PDE1C: variants seen among roughly 807,000 people sequenced by gnomAD.
The protein encoded by PDE1C is dual specificity calcium/calmodulin-dependent 3',5'-cyclic nucleotide phosphodiesterase 1C.
Under a neutral mutation model 93.1 loss-of-function variants are expected in PDE1C, and 62 were observed. That is an observed-to-expected ratio of 0.67 (90% CI 0.54 to 0.82). The LOEUF is 0.82. PDE1C is among the 40% of genes least tolerant of loss of function. The pLI is 0.00. For synonymous variants in PDE1C, 325 were observed against 310.1 expected (o/e 1.05, Z -0.50); for missense variants, 742 against 884.6 (o/e 0.84, Z 2.04).
chr7:32,183,268 A>C (rs1043937923), intron 2 of PDE1C, among the ~76,000 whole-genome samples: 1 of 152,102 alleles, frequency 6.6e-6, no homozygotes, highest in African/African-American at 2.4e-5. Flanking sequence ...TAAAGCTACC[A>C]ATGACTTTCT....
At chr7:31,674,243 C>G in the PDE1C span, among the ~76,000 whole-genome samples, 7 of 152,184 alleles carry the variant, frequency 4.6e-5, no homozygotes, top group East Asian at 1.4e-3. Context: ...CATCTACAAA[C>G]TGCTTTGAAA....
At chr7:32,194,716 C>A (rs947454393) in intron 2 of PDE1C, among the ~76,000 whole-genome samples, 1 of 152,114 alleles carries the variant, frequency 6.6e-6, no homozygotes, top group Non-Finnish European at 1.5e-5. Flanking sequence ...GTTTTTTAAC[C>A]CACTCTGCCA....
intron 1 of PDE1C, among the ~76,000 whole-genome samples, chr7:32,427,107 G>T (rs10275978): frequency 0.18 from 27,469 of 152,122 alleles, 2,622 homozygotes; most frequent in East Asian, 0.3. Context: ...TAAAGTGAGT[G>T]AAGTTTCACT....
chr7:32,004,046 A>G (rs188193999), intron 2 of PDE1C, among the ~76,000 whole-genome samples: 28 of 152,216 alleles, frequency 1.8e-4, no homozygotes, highest in Admixed American at 1.2e-3. Context: ...GTTCATGTGG[A>G]GCTCTGTGGA....
At position 31,880,848 on chromosome 7, in the gene PDE1C, C is replaced by G. The variant is rs1797154557; in HGVS notation, c.141G>C (p.Leu47Phe). The change falls in exon 3 of 18, where the codon TTG becomes TTC. Residue 47 changes from leucine to phenylalanine, a missense_variant. Leu to Phe is a conservative substitution (Grantham distance 22, BLOSUM62 0). Around this residue, in one of 4 missense-constraint regions of PDE1C, gnomAD observed 74 missense variants for 88.2 expected, o/e 0.84. Coordinates refer to ENST00000396191, the MANE Select transcript of PDE1C (RefSeq NM_001191057.4). ...CTTCCCCTCTCTCTAATTGTTTGACCAAAGACCGTAATCTAGAAAAATAAA... is the reference window on the plus strand; with the variant it reads ...CTTCCCCTCTCTCTAATTGTTTGACGAAAGACCGTAATCTAGAAAAATAAA... ...YKKTSQRLRS[L>F]VKQLERGEAS... 6.3e-7 allele frequency: 1 copy of G among 1,597,110 alleles called. No individual in the cohort carries two copies. The highest frequency in any genetic ancestry group is 1.1e-5 in the South Asian group (1 of 90,518).
rs1785295386 is a variant in PDE1C, at chr7:32,417,333, C to T, written c.310+10489G>A. Among the ~76,000 whole-genome samples the T allele has an allele frequency of 2.0e-5, 3 of 151,290 alleles. 1 individual carries two copies. The highest frequency in any genetic ancestry group is 2.0e-4 in the Admixed American group (3 of 15,208). ...GCTTAGCCTTAGTGGTAAGGAAGCC[C>T]TACTAAAAACATCCCACTACTGCTA... is the stretch of plus-strand genomic sequence containing the variant. On this transcript the variant is annotated intron_variant, in intron 1 of 1. Coordinates refer to the PDE1C transcript ENST00000672256.
intron 3 of PDE1C, among the ~76,000 whole-genome samples, chr7:32,142,126 A>C (rs1334379954): frequency 6.6e-6 from 1 of 152,014 alleles, no homozygotes; most frequent in African/African-American, 2.4e-5. Context: ...AATAAAGAGG[A>C]AAAGGAGAGG....
At chr7:32,353,975 A>C (rs1783981597) in intron 1 of PDE1C, among the ~76,000 whole-genome samples, 1 of 152,196 alleles carries the variant, frequency 6.6e-6, no homozygotes, top group South Asian at 2.1e-4. Context: ...AATCACTGAG[A>C]GAAGGCCCCA....
chr7:32,380,264 G>C (rs1375188313), intron 1 of PDE1C, among the ~76,000 whole-genome samples: 2 of 150,852 alleles, frequency 1.3e-5, no homozygotes, highest in African/African-American at 4.9e-5. Context: ...TTGAGATGGA[G>C]CCTCGCTCTT....
At position 32,277,958 on chromosome 7, in the gene PDE1C, G is replaced by T. The variant is rs568367192; in HGVS notation, c.85+20693C>A. Among the ~76,000 whole-genome samples the T allele has an allele frequency of 2.6e-5, 4 of 152,216 alleles. No individual in the cohort carries two copies. In the South Asian group the frequency reaches 8.3e-4, roughly 32 times the overall value. Reference sequence around the variant, plus strand: ...CAGGCAGTGGGAGGAGATAGAAGGTGCCACTTCATTAGAGCAGGACACACC... The same window carrying T: ...CAGGCAGTGGGAGGAGATAGAAGGTTCCACTTCATTAGAGCAGGACACACC... On this transcript the variant is annotated intron_variant, in intron 1 of 18. Transcript: ENST00000396193.
intron 2 of PDE1C, among the ~76,000 whole-genome samples, chr7:32,194,052 C>T (rs1804431826): frequency 6.6e-6 from 1 of 151,676 alleles, no homozygotes; most frequent in Non-Finnish European, 1.5e-5. Flanking sequence ...GTAGCTGGGA[C>T]TACAGGCGCC....
At chr7:32,199,682 T>TA (rs1446429924) in intron 2 of PDE1C, among the ~76,000 whole-genome samples, 1 of 152,218 alleles carries the variant, frequency 6.6e-6, no homozygotes, top group Non-Finnish European at 1.5e-5. Context: ...GTTCCTTTCT[T>TA]AGAGTTTCAA....
At chr7:31,636,936 C>G in the PDE1C span, among the ~76,000 whole-genome samples, 2 of 132,474 alleles carry the variant, frequency 1.5e-5, no homozygotes, top group Admixed American at 9.4e-5. Context: ...CTTCCTGTAT[C>G]CATGTGTTCT....
chr7:32,162,769 C>T (rs1441294471), intron 3 of PDE1C, among the ~76,000 whole-genome samples: 1 of 152,054 alleles, frequency 6.6e-6, no homozygotes, highest in Non-Finnish European at 1.5e-5. Context: ...AGCTAGGAGG[C>T]CATGCGTCAA....
At chr7:32,328,721 A>G (rs1783452224) in intron 1 of PDE1C, among the ~76,000 whole-genome samples, 2 of 152,040 alleles carry the variant, frequency 1.3e-5, no homozygotes, top group South Asian at 4.1e-4. Context: ...CTCAGGTGAG[A>G]ACTCCTAACT....
chr7:31,952,399 G>T (rs1286952925), intron 2 of PDE1C, among the ~76,000 whole-genome samples: 1 of 152,038 alleles, frequency 6.6e-6, no homozygotes, highest in Non-Finnish European at 1.5e-5. Context: ...ACAGGCATAA[G>T]CTACCATGCC....
At chr7:31,825,570 G>A (rs531395150) in intron 12 of PDE1C, among the ~76,000 whole-genome samples, 6 of 152,234 alleles carry the variant, frequency 3.9e-5, no homozygotes, top group Non-Finnish European at 8.8e-5. Context: ...TGTTTGAGCC[G>A]CATTGTCATA....
rs143901880 is a variant in PDE1C at position 32,407,697 on chromosome 7, T to A, written c.310+20125A>T. Among the ~76,000 whole-genome samples, 11 of 152,250 alleles carry A rather than the reference T, an allele frequency of 7.2e-5. No individual in the cohort carries two copies. In the East Asian group the frequency reaches 2.1e-3, roughly 29 times the overall value. ...TCACTTAAAATATCTCAGCTGAGGG[T>A]GGCTTGATTCCTTACAGGTTTGTAA... On this transcript the variant is annotated intron_variant, in intron 1 of 1. Coordinates refer to the PDE1C transcript ENST00000672256.
At chr7:31,632,935 G>T in the PDE1C span, among the ~76,000 whole-genome samples, 1 of 151,742 alleles carries the variant, frequency 6.6e-6, no homozygotes, top group Non-Finnish European at 1.5e-5. Flanking sequence ...TCGCCAGGCT[G>T]GAGTGCTGTG....
Sources: allele counts gnomAD v4.1 joint callset (sites outside exome capture counted in the v4.1 genomes callset), GRCh38; gene constraint gnomAD v4.1.1; regional missense constraint gnomAD v4.1.1; transcripts MANE v1.5; gene names NCBI Gene and HGNC (gene_info 2026-07-23, HGNC 2026-07-21).